Variants in SPANXN4 observed in about 807,000 individuals in gnomAD.
The protein encoded by SPANXN4 is sperm protein associated with the nucleus on the X chromosome N4.
A neutral mutation model predicts 6.0 loss-of-function variants in SPANXN4; 5 were observed. That is an observed-to-expected ratio of 0.83 (90% CI 0.44 to 1.75). The LOEUF is 1.75. SPANXN4 is among the 40% of genes most tolerant of loss of function. The probability of loss-of-function intolerance (pLI) is 0.02; values close to 1 mark genes in which losing one functional copy is unlikely to be tolerated. For synonymous variants in SPANXN4, 45 were observed against 38.0 expected, an observed-to-expected ratio of 1.19 and a Z score of -0.68; for missense variants, 157 against 108.6, an observed-to-expected ratio of 1.45 and a Z score of -1.98.
chrX:143,031,200 T>C (rs1032923981), intron 1 of SPANXN4, among the ~76,000 whole-genome samples: 1 of 108,961 alleles, frequency 9.2e-6, no homozygotes, highest in Admixed American at 9.9e-5. Context: ...TGAAGGAGGG[T>C]GTTGAATAGA....
chrX:143,028,302 G>T (rs745386919), intron 1 of SPANXN4, among the ~76,000 whole-genome samples: 1 of 110,828 alleles, frequency 9.0e-6, no homozygotes, highest in Non-Finnish European at 1.9e-5. Context: ...TGTAGGGACA[G>T]GGAGGAGTGT....
chrX:143,037,286 C>T (rs1932848456), downstream of SPANXN4, among the ~76,000 whole-genome samples: 1 of 111,452 alleles, frequency 9.0e-6, no homozygotes, highest in African/African-American at 3.3e-5. Context: ...ATCCCAGAAC[C>T]TACACACTTC....
At chrX:143,034,186 C>T in exon 2 of SPANXN4, 1 of 1,180,556 alleles carries the variant, frequency 8.5e-7, no homozygotes, top group East Asian at 3.1e-5. Context: ...CTGATCCAAT[C>T]AAAGAGAAAG....
chrX:143,038,360 A>C (rs1932853398), downstream of SPANXN4, among the ~76,000 whole-genome samples: 1 of 111,691 alleles, frequency 9.0e-6, no homozygotes, highest in Admixed American at 9.5e-5. Flanking sequence ...CACAGTGCCA[A>C]ATCTCACTGA....
At chrX:143,029,022 T>C (rs1932793837) in intron 1 of SPANXN4, among the ~76,000 whole-genome samples, 1 of 111,681 alleles carries the variant, frequency 9.0e-6, no homozygotes, top group African/African-American at 3.3e-5. Flanking sequence ...TTTTCCTGAA[T>C]GGTGCCAGCC....
At chrX:143,028,543 G>A (rs1932790892) in intron 1 of SPANXN4, among the ~76,000 whole-genome samples, 1 of 111,430 alleles carries the variant, frequency 9.0e-6, no homozygotes, top group South Asian at 3.8e-4. Context: ...TGGTTAGCCT[G>A]TGAAACAAAT....
chrX:143,038,379 T>C (rs1259309066), downstream of SPANXN4, among the ~76,000 whole-genome samples: 1 of 112,018 alleles, frequency 8.9e-6, no homozygotes, highest in Non-Finnish European at 1.9e-5. Context: ...GAAATTATCA[T>C]TGGTTACATT....
chrX:143,035,917 A>G (rs1006813681), downstream of SPANXN4, among the ~76,000 whole-genome samples: 1 of 106,403 alleles, frequency 9.4e-6, no homozygotes, highest in African/African-American at 3.4e-5. Context: ...TTTGACTTAC[A>G]TCTCCCCATT....
chrX:143,028,575 A>C (rs187953746), intron 1 of SPANXN4, among the ~76,000 whole-genome samples: 13 of 111,372 alleles, frequency 1.2e-4, no homozygotes, highest in Non-Finnish European at 2.5e-4. Flanking sequence ...GTCTGACTGA[A>C]TCCAAGAGGG....
chrX:143,030,081 A>G (rs1932801283), intron 1 of SPANXN4, among the ~76,000 whole-genome samples: 1 of 107,827 alleles, frequency 9.3e-6, no homozygotes. Context: ...GTGGGAGTTG[A>G]TGGGGCAAGC....
exon 3 of SPANXN4, chrX:143,034,665 T>C: frequency 1.7e-6 from 2 of 1,155,302 alleles, no homozygotes; most frequent in Non-Finnish European, 2.3e-6. Flanking sequence ...AGTGGTGTGT[T>C]TTGTAACTCA....
chrX:143,031,161 G>A (rs1220224464), intron 1 of SPANXN4, among the ~76,000 whole-genome samples: 1 of 110,745 alleles, frequency 9.0e-6, no homozygotes, highest in East Asian at 2.9e-4. Flanking sequence ...ATAGGGGTAG[G>A]GCACTGAGGG....
At chrX:143,032,200 A>T (rs888941336) in intron 1 of SPANXN4, among the ~76,000 whole-genome samples, 11 of 81,660 alleles carry the variant, frequency 1.3e-4, no homozygotes, top group Non-Finnish European at 2.7e-4. Context: ...AAGAGATGGG[A>T]TCCTTGGATA....
chrX:143,034,148 G>A, exon 2 of SPANXN4: 1 of 1,180,869 alleles, frequency 8.5e-7, no homozygotes, highest in African/African-American at 1.8e-5. Flanking sequence ...AAATCAACTG[G>A]AGAATAACCA....
chrX:143,025,955 G>T, exon 1 of SPANXN4: 1 of 1,108,786 alleles, frequency 9.0e-7, no homozygotes, highest in Non-Finnish European at 1.2e-6. Flanking sequence ...CTTCAATACA[G>T]CTGTGGAAAT....
chrX:143,033,809 C>T, intron 1 of SPANXN4, among the ~76,000 whole-genome samples: 1 of 111,577 alleles, frequency 9.0e-6, no homozygotes, highest in Non-Finnish European at 1.9e-5. Context: ...TAGCAGGGAG[C>T]TTACAAAGTC....
At chrX:143,027,317 T>C (rs1201796917) in intron 1 of SPANXN4, among the ~76,000 whole-genome samples, 5 of 111,900 alleles carry the variant, frequency 4.5e-5, no homozygotes, top group African/African-American at 1.6e-4. Context: ...TTTTTGTAAC[T>C]AATAGTCATT....
At chrX:143,036,150 A>C (rs1461181804), downstream of SPANXN4, among the ~76,000 whole-genome samples, 1 of 108,735 alleles carries the variant, frequency 9.2e-6, no homozygotes, top group Non-Finnish European at 1.9e-5. Flanking sequence ...AAAAGAAGGG[A>C]GAATGAAAAT....
chrX:143,035,245 T>A (rs973146274), downstream of SPANXN4, among the ~76,000 whole-genome samples: 3 of 110,961 alleles, frequency 2.7e-5, no homozygotes, highest in Non-Finnish European at 3.8e-5. Flanking sequence ...TTTATTTCCA[T>A]GGCCCAGTTT....
Sources: gnomAD v4.1 joint callset for allele counts (sites outside exome capture counted in the v4.1 genomes callset) on GRCh38, gnomAD v4.1.1 for gene constraint, MANE v1.5 for transcripts, NCBI Gene and HGNC (gene_info 2026-07-23, HGNC 2026-07-21) for gene names.